The following HSD3B1 variants were observed in gnomAD, a reference collection of about 807,000 sequenced individuals.
The protein encoded by HSD3B1 is 3 beta-hydroxysteroid dehydrogenase/Delta 5-->4-isomerase type 1.
In HSD3B1, 11 loss-of-function variants were observed where a neutral mutation model predicts 10.4. That is an observed-to-expected ratio of 1.05 (90% CI 0.66 to 1.75). The LOEUF is 1.75. HSD3B1 is among the 40% of genes most tolerant of loss of function. The pLI is 0.00. For missense variants in HSD3B1, 490 were observed against 454.5 expected (o/e 1.08, Z -0.71); for synonymous variants, 217 against 185.4 (o/e 1.17, Z -1.39).
chr1:119,508,373 A>ATT (rs1653847806), intron 2 of HSD3B1, among the ~76,000 whole-genome samples: 3 of 136,590 alleles, frequency 2.2e-5, no homozygotes, highest in African/African-American at 1.0e-4. Context: ...TTTTTTTTAA[A>ATT]AAAAAAAAAA....
At position 119,514,343 on chromosome 1, in the gene HSD3B1, A is replaced by G; in HGVS notation, c.820A>G (p.Lys274Glu). ...SYDNLNYTLS[K>E]EFGLRLDSRW... Reference sequence around the variant, plus strand: ...TGATAACCTTAATTACACCCTGAGCAAAGAGTTCGGCCTCCGCCTTGATTC... The same window carrying G: ...TGATAACCTTAATTACACCCTGAGCGAAGAGTTCGGCCTCCGCCTTGATTC... The change falls in exon 4 of 4, where the codon AAA (lysine) becomes GAA (glutamate). Residue 274 changes from lysine to glutamate, a missense_variant. Physicochemically the swap from Lys to Glu is moderately conservative, Grantham distance 56 (BLOSUM62 1). Coordinates refer to ENST00000369413, the MANE Select transcript of HSD3B1 (RefSeq NM_000862.3). 6.2e-7 allele frequency: 1 copy of G among 1,614,150 alleles called. No homozygotes were observed. Among genetic ancestry groups the G allele is most frequent in the Admixed American group, 1.7e-5 (1 of 60,018 alleles).
chr1:119,511,553 G>T lies in HSD3B1; in HGVS notation c.196G>T (p.Glu66Ter). The T allele has an allele frequency of 1.2e-6, 2 of 1,613,782 alleles. No homozygotes were observed. Among genetic ancestry groups the T allele is most frequent in the Non-Finnish European group, 1.7e-6 (2 of 1,179,768 alleles). ...AGTGCTGGAAGGAGACATTCTGGAT[G>T]AGCCATTCCTGAAGAGAGCCTGCCA... The part of the protein sequence containing the change: ...LTVLEGDILD[E>*]PFLKRACQDV... The change falls in exon 3 of 4, where the codon GAG becomes TAG. Residue 66 changes from glutamate (E) to a stop codon, truncating the protein, a stop_gained. Coordinates refer to ENST00000369413, the MANE Select transcript of HSD3B1 (RefSeq NM_000862.3). LOFTEE classifies it high-confidence loss of function.
chr1:119,508,226 G>T (rs1653844716), intron 2 of HSD3B1, among the ~76,000 whole-genome samples: 1 of 143,280 alleles, frequency 7.0e-6, no homozygotes, highest in South Asian at 2.1e-4. Context: ...GAAAGACAGA[G>T]AAATAATGAA....
Position 119,514,694 on chromosome 1 carries a change from C to T in HSD3B1, c.*49C>T, listed in dbSNP as rs1245417755. 1 of 1,587,558 alleles carries T rather than the reference C, an allele frequency of 6.3e-7. No homozygotes were observed. Among genetic ancestry groups the T allele is most frequent in the East Asian group, 2.3e-5 (1 of 44,284 alleles). The stretch of plus-strand genomic sequence containing the variant: ...TGTGGGTATTGTTAGGAGATGTCAT[C>T]AAGCTCCACCCTCCTGGCCTCATAC... On this transcript the variant is annotated 3_prime_UTR_variant, in exon 4 of 4. Coordinates refer to ENST00000369413, the MANE Select transcript of HSD3B1 (RefSeq NM_000862.3).
intron 3 of HSD3B1, among the ~76,000 whole-genome samples, chr1:119,512,983 T>C (rs1404409220): frequency 6.6e-6 from 1 of 152,156 alleles, no homozygotes; most frequent in Non-Finnish European, 1.5e-5. Flanking sequence ...GCACTATGGG[T>C]ACCTCCATGA....
Position 119,514,529 on chromosome 1 carries a change from C to A in HSD3B1, c.1006C>A (p.Arg336=), listed in dbSNP as rs587761303. The change falls in exon 4 of 4, where the codon CGA becomes AGA. Residue 336 remains arginine (R), a synonymous_variant. Transcript: ENST00000369413. ...VFTFSYKKAQ[R]DLAYKPLYSW... ...CACCTTCTCTTATAAGAAGGCTCAG[C>A]GAGATCTGGCGTATAAGCCACTCTA... 2 of 1,613,974 alleles carry A rather than the reference C, an allele frequency of 1.2e-6. No individual in the cohort carries two copies. The highest frequency in any genetic ancestry group is 2.7e-5 in the African/African-American group (2 of 74,984).
At position 119,514,102 on chromosome 1, in the gene HSD3B1, A is replaced by G. The variant is rs1246237563; in HGVS notation, c.579A>G (p.Glu193=). ...TACGACCCATGTATATCTATGGGGAAGGAAGCCGATTCCTTTCTGCTAGTA... is the reference window on the plus strand; with the variant it reads ...TACGACCCATGTATATCTATGGGGAGGGAAGCCGATTCCTTTCTGCTAGTA... ...CALRPMYIYG[E]GSRFLSASIN... Residue 193 remains glutamate (E), a synonymous_variant, in exon 4 of 4, where the codon GAA becomes GAG. Coordinates refer to ENST00000369413, the MANE Select transcript of HSD3B1 (RefSeq NM_000862.3). The G allele has an allele frequency of 6.2e-7, 1 of 1,614,156 alleles. No individual in the cohort carries two copies.
chr1:119,512,638 T>C (rs1557896059), intron 3 of HSD3B1, among the ~76,000 whole-genome samples: 1 of 152,032 alleles, frequency 6.6e-6, no homozygotes, highest in Non-Finnish European at 1.5e-5. Context: ...ACCCCTGCTG[T>C]GCAAGGAGGG....
chr1:119,508,616 AGCTGAT>A (rs997397673), intron 2 of HSD3B1, among the ~76,000 whole-genome samples: 5 of 152,196 alleles, frequency 3.3e-5, no homozygotes, highest in African/African-American at 1.2e-4. Flanking sequence ...CTGGCCCCAG[AGCTGAT>A]GCTTGGCAAA....
chr1:119,510,482 C>T (rs1432294194), intron 2 of HSD3B1, among the ~76,000 whole-genome samples: 2 of 152,044 alleles, frequency 1.3e-5, no homozygotes, highest in African/African-American at 2.4e-5. Flanking sequence ...CCAGGACCTT[C>T]AAGGTAAGGT....
intron 2 of HSD3B1, among the ~76,000 whole-genome samples, chr1:119,510,831 A>G (rs1346134924): frequency 7.2e-6 from 1 of 138,676 alleles, no homozygotes; most frequent in East Asian, 2.2e-4. Flanking sequence ...GGAACCAGAG[A>G]CCCCAGCCTC....
In HSD3B1 at chr1:119,514,036, G is replaced by T. The variant is rs755763347; in HGVS notation, c.513G>T (p.Gly171=). Residue 171 remains glycine, a synonymous_variant, in exon 4 of 4, where the codon GGG becomes GGT. Coordinates refer to ENST00000369413, the MANE Select transcript of HSD3B1 (RefSeq NM_000862.3). ...AGAAGGCTGTACTGGCGGCTAACGG[G>T]TGGAATCTGAAAAACGGCGGCACCC... is the stretch of plus-strand genomic sequence containing the variant. The part of the protein sequence containing the change: ...LAEKAVLAAN[G]WNLKNGGTLY... 1 of 1,614,128 alleles carries T rather than the reference G, an allele frequency of 6.2e-7. No homozygotes were observed. Among genetic ancestry groups the T allele is most frequent in the Middle Eastern group, 1.7e-4 (1 of 6,060 alleles).
intron 2 of HSD3B1, chr1:119,508,078 A>C (rs1337064891): frequency 6.1e-6 from 1 of 163,726 alleles, no homozygotes; most frequent in Non-Finnish European, 1.3e-5. Flanking sequence ...ATCCTTTGTG[A>C]GGGCAAAATA....
Position 119,514,002 on chromosome 1 carries a change from A to G in HSD3B1, c.479A>G (p.Lys160Arg). 1 of 1,614,138 alleles carries G rather than the reference A, an allele frequency of 6.2e-7. No homozygotes were observed. The highest frequency in any genetic ancestry group is 1.1e-5 in the South Asian group (1 of 91,082). The change falls in exon 4 of 4, where the codon AAG (lysine) becomes AGG (arginine). Residue 160 changes from lysine to arginine, a missense_variant. Coordinates refer to ENST00000369413, the MANE Select transcript of HSD3B1 (RefSeq NM_000862.3). ...CCCGCTCCATACCCACACAGCAAAA[A>G]GCTTGCTGAGAAGGCTGTACTGGCG... is the stretch of plus-strand genomic sequence containing the variant. Reference protein sequence around the residue: ...TWPAPYPHSKKLAEKAVLAAN... With the variant: ...TWPAPYPHSKRLAEKAVLAAN...
intron 2 of HSD3B1, among the ~76,000 whole-genome samples, chr1:119,508,460 T>C (rs946904425): frequency 6.6e-6 from 1 of 151,864 alleles, no homozygotes; most frequent in African/African-American, 2.4e-5. Flanking sequence ...CTTGTACAAA[T>C]GGCCCCAAGA....
At position 119,514,716 on chromosome 1, in the gene HSD3B1, A is replaced by C; in HGVS notation, c.*71A>C. On this transcript the variant is annotated 3_prime_UTR_variant, in exon 4 of 4. Transcript: ENST00000369413. ...CATCAAGCTCCACCCTCCTGGCCTC[A>C]TACAGAAAGTGACAAGGGCACAAGC... 6.5e-7 allele frequency: 1 copy of C among 1,541,022 alleles called. No individual in the cohort carries two copies. The highest frequency in any genetic ancestry group is 1.9e-5 in the Admixed American group (1 of 53,924).
chr1:119,511,498 C>T lies in HSD3B1; in HGVS notation c.146-5C>T. The T allele has an allele frequency of 6.2e-7, 1 of 1,613,712 alleles. No individual in the cohort carries two copies. The highest frequency in any genetic ancestry group is 8.5e-7 in the Non-Finnish European group (1 of 1,179,730). ...ATTCCAATGACCTGACCTGTGTTCACACAGAACTCCAGAACAAGACCAAGC... is the reference window on the plus strand; with the variant it reads ...ATTCCAATGACCTGACCTGTGTTCATACAGAACTCCAGAACAAGACCAAGC... On this transcript the variant is annotated splice_region_variant and splice_polypyrimidine_tract_variant and intron_variant, in intron 2 of 3. Coordinates refer to ENST00000369413, the MANE Select transcript of HSD3B1 (RefSeq NM_000862.3).
In HSD3B1 at chr1:119,514,641, A is replaced by G. The variant is rs751833543; in HGVS notation, c.1118A>G (p.Gln373Arg). The G allele has an allele frequency of 1.2e-6, 2 of 1,613,698 alleles. No homozygotes were observed. Among genetic ancestry groups the G allele is most frequent in the East Asian group, 2.2e-5 (1 of 44,790 alleles). ...RHKETLKSKT[Q>R] is the part of the protein sequence containing the mutation. ...AAGGAGACCCTGAAGTCCAAGACTC[A>G]GTGATTTAAGGATGACAGAGATGTG... Residue 373 changes from glutamine (Q) to arginine (R), a missense_variant, in exon 4 of 4, where the codon CAG (glutamine) becomes CGG (arginine). Coordinates refer to ENST00000369413, the MANE Select transcript of HSD3B1 (RefSeq NM_000862.3).
chr1:119,511,448 A>C, intron 2 of HSD3B1, 55 bp from the exon 3 acceptor site: 1 of 1,584,352 alleles, frequency 6.3e-7, no homozygotes, highest in Non-Finnish European at 8.7e-7. Flanking sequence ...TTTATCAGAA[A>C]ACTTCTCAGC....
Sources: gnomAD v4.1 joint callset for allele counts (sites outside exome capture counted in the v4.1 genomes callset) on GRCh38, gnomAD v4.1.1 for gene constraint, MANE v1.5 for transcripts, NCBI Gene and HGNC (gene_info 2026-07-23, HGNC 2026-07-21) for gene names.